Variants in SPATS2L observed in about 807,000 individuals in gnomAD.
SPATS2L encodes the protein spermatogenesis associated serine rich 2 like, also known as SPATS2-like protein.
SPATS2L carries 30 observed loss-of-function variants against 59.6 expected under a neutral mutation model. The observed-to-expected ratio is 0.50, with a 90% confidence interval of 0.38 to 0.68. SPATS2L has a LOEUF of 0.68. SPATS2L is among the 30% of genes least tolerant of loss of function. The probability of loss-of-function intolerance (pLI) is 0.00; values close to 1 mark genes in which losing one functional copy is unlikely to be tolerated. For synonymous variants in SPATS2L, 252 were observed against 263.5 expected, an observed-to-expected ratio of 0.96 and a Z score of 0.42; for missense variants, 615 against 700.0, an observed-to-expected ratio of 0.88 and a Z score of 1.37.
chr2:200,466,314 C>T (rs913378065), intron 9 of SPATS2L, among the ~76,000 whole-genome samples: 1 of 152,130 alleles, frequency 6.6e-6, no homozygotes, highest in East Asian at 1.9e-4. Context: ...TTTCTTACAC[C>T]TCAAAATGCT....
chr2:200,480,297 A>C lies in SPATS2L; in HGVS notation c.*2266A>C, dbSNP rs1288983027. The stretch of plus-strand genomic sequence containing the variant: ...CTGAAAAGAAACAAAAGAATGCTAA[A>C]AAGTGCTCAGACCTGATCACATTTT... On this transcript the variant is annotated 3_prime_UTR_variant, in exon 13 of 13. Transcript: ENST00000409140. 1 of 152,188 alleles carries C rather than the reference A, an allele frequency of 6.6e-6. No homozygotes were observed. The highest frequency in any genetic ancestry group is 1.5e-5 in the Non-Finnish European group (1 of 68,136). The allele number at this position is 152,188 out of a possible 1,614,324, so 9.4% of individuals were successfully genotyped here.
chr2:200,322,254 T>C (rs1271781038), intron 1 of SPATS2L, among the ~76,000 whole-genome samples: 3 of 152,224 alleles, frequency 2.0e-5, no homozygotes, highest in Non-Finnish European at 2.9e-5. Flanking sequence ...GTTGATAATA[T>C]GAAACTCTTC....
chr2:200,359,366 C>A (rs1227547100), intron 2 of SPATS2L, among the ~76,000 whole-genome samples: 1 of 152,142 alleles, frequency 6.6e-6, no homozygotes, highest in Non-Finnish European at 1.5e-5. Context: ...ATCCAGCTTG[C>A]ACCCTAACCT....
chr2:200,306,491 G>T, upstream of SPATS2L: 1 of 1,002,312 alleles, frequency 1.0e-6, no homozygotes, highest in Non-Finnish European at 1.2e-6. Context: ...GTGGAGGGAC[G>T]AGATCTGTGT....
At chr2:200,477,009 G>A (rs901064918) in intron 12 of SPATS2L, among the ~76,000 whole-genome samples, 8 of 152,166 alleles carry the variant, frequency 5.3e-5, no homozygotes, top group South Asian at 2.1e-4. Flanking sequence ...GCTGCTCTCC[G>A]ACTCAGACTG....
At position 200,352,313 on chromosome 2, in the gene SPATS2L, T is replaced by TATA. The variant is rs1559060459; in HGVS notation, c.-23+22833_-23+22834insATA. ...TTTGAGGCTATATAACCAGCAGTTT[T>TATA]TATATATATATATATATATATATAT... On this transcript the variant is annotated intron_variant, in intron 2 of 12. Transcript: ENST00000409140. 4.4e-3 allele frequency among the ~76,000 whole-genome samples: 38 copies of TATA among 8,644 alleles called. 13 individuals carry two copies. Among genetic ancestry groups the TATA allele is most frequent in the South Asian group, 0.025 (1 of 40 alleles). The allele number at this position is 8,644 out of a possible 152,430, so 5.7% of individuals were successfully genotyped here.
intron 6 of SPATS2L, among the ~76,000 whole-genome samples, chr2:200,420,582 G>A (rs2083269402): frequency 6.6e-6 from 1 of 152,158 alleles, no homozygotes. Context: ...TTAGGGTAAT[G>A]GGTGTCAGCT....
chr2:200,423,532 G>T (rs1326921721), intron 6 of SPATS2L, among the ~76,000 whole-genome samples: 1 of 152,092 alleles, frequency 6.6e-6, no homozygotes. Flanking sequence ...TTTGCAAAAG[G>T]CTGACTCAAA....
intron 2 of SPATS2L, chr2:200,372,206 T>C: frequency 1.0e-6 from 1 of 985,308 alleles, no homozygotes; most frequent in Non-Finnish European, 1.2e-6. Flanking sequence ...TTTCTCCCTT[T>C]GGAATTCTGG....
intron 1 of SPATS2L, among the ~76,000 whole-genome samples, chr2:200,311,134 T>C (rs2079180510): frequency 6.6e-6 from 1 of 152,262 alleles, no homozygotes; most frequent in Admixed American, 6.5e-5. Flanking sequence ...ATACTGACTC[T>C]GAACTGCTCA....
At chr2:200,461,807 T>A (rs1189834070) in intron 9 of SPATS2L, among the ~76,000 whole-genome samples, 1 of 152,218 alleles carries the variant, frequency 6.6e-6, no homozygotes, top group Non-Finnish European at 1.5e-5. Context: ...CAAGTGTCAT[T>A]TTATGGAAAA....
rs115133502 is a variant in SPATS2L at position 200,364,831 on chromosome 2, G to A, written c.-22-24392G>A. Among the ~76,000 whole-genome samples the A allele has an allele frequency of 3.9e-3, 590 of 152,320 alleles. 2 individuals are homozygous for A. The highest frequency in any genetic ancestry group is 0.013 in the African/African-American group (561 of 41,558). On this transcript the variant is annotated intron_variant, in intron 2 of 12. Coordinates refer to ENST00000409140, the MANE Select transcript of SPATS2L (RefSeq NM_001100423.2). ...CCAGTTGCCAGTCATCCCGGTGAGT[G>A]CAGGGCAGTCCCAGGTGGGTTGGGC...
intron 2 of SPATS2L, among the ~76,000 whole-genome samples, chr2:200,388,770 T>C (rs2082078700): frequency 6.6e-6 from 1 of 152,086 alleles, no homozygotes; most frequent in South Asian, 2.1e-4. Context: ...CCTGTTTTTT[T>C]CCATAGTGCT....
At chr2:200,393,074 CA>C in intron 3 of SPATS2L, 2 of 387,482 alleles carry the variant, frequency 5.2e-6, no homozygotes, top group Non-Finnish European at 1.0e-5. Flanking sequence ...GTCATATATT[CA>C]AGTGAGAATA....
chr2:200,386,016 C>T (rs1391336934), intron 2 of SPATS2L, among the ~76,000 whole-genome samples: 1 of 152,168 alleles, frequency 6.6e-6, no homozygotes, highest in Non-Finnish European at 1.5e-5. Context: ...TAAGGCAAAC[C>T]AAATTTATGG....
chr2:200,472,916 G>A lies in SPATS2L; in HGVS notation c.1145G>A (p.Gly382Glu), dbSNP rs1402911390. Residue 382 changes from glycine to glutamate, a missense_variant, in exon 12 of 13, where the codon GGG (glycine) becomes GAG (glutamate). This residue lies in a region of SPATS2L where 284 missense variants were observed against 280.1 expected (regional missense o/e 1.01). Transcript: ENST00000409140. ...CTGAATGCGCACGCAGCAACCTCTG[G>A]GAAACAGAGTAACTTTTCCCGAAAA... ...PLLNAHAATS[G>E]KQSNFSRKSS... is the part of the protein sequence containing the mutation. 6.2e-7 allele frequency: 1 copy of A among 1,613,642 alleles called. No individual in the cohort carries two copies. The highest frequency in any genetic ancestry group is 2.2e-5 in the East Asian group (1 of 44,880).
chr2:200,375,334 A>G (rs547223516), intron 2 of SPATS2L, among the ~76,000 whole-genome samples: 154 of 152,298 alleles, frequency 1.0e-3, no homozygotes, highest in African/African-American at 3.6e-3. Context: ...ACAAAAGTGT[A>G]GGCTTTGATC....
intron 11 of SPATS2L, among the ~76,000 whole-genome samples, chr2:200,470,813 G>A (rs2086970138): frequency 6.6e-6 from 1 of 152,114 alleles, no homozygotes; most frequent in South Asian, 2.1e-4. Flanking sequence ...ACAATCTATG[G>A]TAGACATTTT....
intron 1 of SPATS2L, among the ~76,000 whole-genome samples, chr2:200,326,092 G>A (rs937436549): frequency 2.0e-5 from 3 of 152,208 alleles, no homozygotes; most frequent in Non-Finnish European, 4.4e-5. Context: ...AAAGGGTGTA[G>A]TCTGAGGTTT....
Sources: allele counts gnomAD v4.1 joint callset (sites outside exome capture counted in the v4.1 genomes callset), GRCh38; gene constraint gnomAD v4.1.1; regional missense constraint gnomAD v4.1.1; transcripts MANE v1.5; gene names NCBI Gene and HGNC (gene_info 2026-07-23, HGNC 2026-07-21).